The following ZNF475 variants were observed in gnomAD, a reference collection of about 807,000 sequenced individuals.
The protein encoded by ZNF475 is zinc finger protein 475.
At chr5:122,170,104 T>C in the ZNF475 span, among the ~76,000 whole-genome samples, 1 of 152,346 alleles carries the variant, frequency 6.6e-6, no homozygotes, top group South Asian at 2.1e-4. Context: ...AAAATAGTAT[T>C]GGAATAACGT....
the ZNF475 span, among the ~76,000 whole-genome samples, chr5:122,177,186 G>T: frequency 2.0e-5 from 3 of 152,166 alleles, no homozygotes; most frequent in Non-Finnish European, 4.4e-5. Context: ...GTATTTATTC[G>T]CTAACTCTCA....
At chr5:122,182,651 T>C in the ZNF475 span, 9 of 1,533,362 alleles carry the variant, frequency 5.9e-6, no homozygotes, top group Admixed American at 5.9e-5. Context: ...AAAGCCCTTT[T>C]CTCTCTACTG....
the ZNF475 span, among the ~76,000 whole-genome samples, chr5:122,164,258 A>C: frequency 6.6e-6 from 1 of 152,204 alleles, no homozygotes; most frequent in Non-Finnish European, 1.5e-5. Context: ...GGCTGCATAG[A>C]GGGCAACAGG....
At chr5:122,171,886 G>A in the ZNF475 span, among the ~76,000 whole-genome samples, 3 of 151,960 alleles carry the variant, frequency 2.0e-5, no homozygotes, top group African/African-American at 4.8e-5. Flanking sequence ...CTATAGGCAC[G>A]TGCTACCATG....
At chr5:122,175,920 G>C in the ZNF475 span, among the ~76,000 whole-genome samples, 3 of 152,138 alleles carry the variant, frequency 2.0e-5, no homozygotes, top group African/African-American at 7.2e-5. Context: ...TTTTGAAAGT[G>C]TATTGTTCTC....
chr5:122,179,424 G>A, the ZNF475 span: 1 of 414,010 alleles, frequency 2.4e-6, no homozygotes. Flanking sequence ...TCCTTGGGTA[G>A]TGGTTTATAG....
the ZNF475 span, among the ~76,000 whole-genome samples, chr5:122,174,890 A>T: frequency 6.6e-6 from 1 of 152,176 alleles, no homozygotes; most frequent in Non-Finnish European, 1.5e-5. Context: ...TAAACATGTT[A>T]AAAAAATAGT....
chr5:122,179,500 A>C, the ZNF475 span: 1 of 855,632 alleles, frequency 1.2e-6, no homozygotes, highest in Non-Finnish European at 1.7e-6. Flanking sequence ...TTCTCTTTGT[A>C]GCAATTGTGA....
the ZNF475 span, among the ~76,000 whole-genome samples, chr5:122,169,708 T>C: frequency 1.3e-5 from 2 of 152,146 alleles, no homozygotes; most frequent in South Asian, 2.1e-4. Context: ...GAAAATTATA[T>C]GGCAATATGT....
the ZNF475 span, among the ~76,000 whole-genome samples, chr5:122,178,285 G>A: frequency 6.6e-6 from 1 of 152,140 alleles, no homozygotes; most frequent in Non-Finnish European, 1.5e-5. Context: ...GGGTCAAATG[G>A]TATTTCTGGT....
At chr5:122,179,633 G>T in the ZNF475 span, 1 of 1,534,400 alleles carries the variant, frequency 6.5e-7, no homozygotes, top group South Asian at 1.2e-5. Context: ...GCATTCATGA[G>T]CCACAATGTC....
At chr5:122,168,487 G>C in the ZNF475 span, among the ~76,000 whole-genome samples, 3 of 152,202 alleles carry the variant, frequency 2.0e-5, no homozygotes, top group Non-Finnish European at 4.4e-5. Flanking sequence ...AAGGTGGATG[G>C]ATCACGAGGT....
At chr5:122,171,881 G>A in the ZNF475 span, among the ~76,000 whole-genome samples, 19 of 152,144 alleles carry the variant, frequency 1.2e-4, no homozygotes, top group African/African-American at 4.6e-4. Context: ...GAGAACTATA[G>A]GCACGTGCTA....
chr5:122,180,867 G>A, the ZNF475 span, among the ~76,000 whole-genome samples: 1 of 152,182 alleles, frequency 6.6e-6, no homozygotes, highest in Non-Finnish European at 1.5e-5. Flanking sequence ...TTTCATACAG[G>A]TGGGAAAACA....
At chr5:122,181,342 G>T in the ZNF475 span, among the ~76,000 whole-genome samples, 370 of 152,252 alleles carry the variant, frequency 2.4e-3, 4 homozygotes, top group Middle Eastern at 0.014. Context: ...GAGAGTCAGT[G>T]ACTACTCTGG....
At chr5:122,164,849 G>A in the ZNF475 span, among the ~76,000 whole-genome samples, 1 of 152,136 alleles carries the variant, frequency 6.6e-6, no homozygotes, top group Non-Finnish European at 1.5e-5. Flanking sequence ...TCTGTATCTT[G>A]AGTAATTTAA....
chr5:122,176,779 C>T, the ZNF475 span, among the ~76,000 whole-genome samples: 1 of 152,170 alleles, frequency 6.6e-6, no homozygotes, highest in African/African-American at 2.4e-5. Context: ...TATGTTCAAA[C>T]TTAGGTAGGC....
chr5:122,161,153 C>G, the ZNF475 span, among the ~76,000 whole-genome samples: 4 of 152,182 alleles, frequency 2.6e-5, no homozygotes, highest in African/African-American at 9.7e-5. Context: ...CCTTACATCT[C>G]TTGTCTCTTT....
At chr5:122,172,974 A>C in the ZNF475 span, among the ~76,000 whole-genome samples, 1 of 152,096 alleles carries the variant, frequency 6.6e-6, no homozygotes, top group African/African-American at 2.4e-5. Context: ...CAGAGCTTGC[A>C]GTGAGCCAAG....
Sources: allele counts gnomAD v4.1 joint callset (sites outside exome capture counted in the v4.1 genomes callset), GRCh38; gene constraint gnomAD v4.1.1; transcripts MANE v1.5; gene names NCBI Gene and HGNC (gene_info 2026-07-23, HGNC 2026-07-21).